DLG3: variants seen among roughly 807,000 people sequenced by gnomAD.
DLG3 encodes discs large MAGUK scaffold protein 3, also known as disks large homolog 3.
A neutral mutation model predicts 64.1 loss-of-function variants in DLG3; 1 was observed. That is an observed-to-expected ratio of 0.02 (90% CI 0.01 to 0.07). The LOEUF (loss-of-function observed/expected upper bound fraction) is 0.07, where lower values mean the gene tolerates loss of function less well. Among genes scored for constraint, DLG3 ranks in the 10% least tolerant of loss-of-function variants. The probability of loss-of-function intolerance (pLI) is 1.00; values close to 1 mark genes in which losing one functional copy is unlikely to be tolerated. For synonymous variants in DLG3, 245 were observed against 259.8 expected (o/e 0.94, Z 0.55); for missense variants, 429 against 669.5 (o/e 0.64, Z 3.96).
At chrX:70,492,009 T>C (rs1218789758) in intron 10 of DLG3, 98 bp from the exon 11 acceptor site, 1 of 863,201 alleles carries the variant, frequency 1.2e-6, no homozygotes, top group East Asian at 3.4e-5. Context: ...GAGGCTGCTA[T>C]GTCTGTGCTG....
rs771267930 is a variant in DLG3, at chrX:70,451,995, A to G, written c.1114A>G (p.Arg372Gly). 8.3e-7 allele frequency: 1 copy of G among 1,210,446 alleles called. No individual in the cohort carries two copies. Among genetic ancestry groups the G allele is most frequent in the Non-Finnish European group, 1.1e-6 (1 of 895,019 alleles). ...CCCCACCCGCTACTCTCCTATTCCC[A>G]GGCACATGCTGGCTGAGGAGGACTT... ...VPPTRYSPIP[R>G]HMLAEEDFTR... The change falls in exon 7 of 19, where the codon AGG becomes GGG. Residue 372 changes from arginine to glycine, a missense_variant. Physicochemically the swap from Arg to Gly is moderately radical, Grantham distance 125 (BLOSUM62 -2). This residue lies in a region of DLG3 where 54 missense variants were observed against 54.4 expected (regional missense o/e 0.99). Transcript: ENST00000374360.
chrX:70,480,688 A>G (rs771607472), intron 10 of DLG3, among the ~76,000 whole-genome samples: 4 of 112,280 alleles, frequency 3.6e-5, no homozygotes, highest in Non-Finnish European at 5.6e-5. Context: ...AAAATAGGTA[A>G]TGGTTATATG....
Position 70,445,136 on chromosome X carries a change from G to A in DLG3, c.-66G>A. 2.2e-6 allele frequency: 2 copies of A among 908,999 alleles called. No homozygotes were observed. The highest frequency in any genetic ancestry group is 2.4e-5 in the South Asian group (1 of 41,337). 74.9% of individuals were successfully genotyped at this position (908,999 alleles called of 1,213,427 possible). ...GCCCGGCGGCGGCGGCGGCGGTGGT[G>A]GCGGCGGTGGCGGCGGCGTGGAATC... On this transcript the variant is annotated 5_prime_UTR_variant, in exon 1 of 19. Coordinates refer to ENST00000374360, the MANE Select transcript of DLG3 (RefSeq NM_021120.4).
chrX:70,457,018 AT>A (rs978791715), intron 9 of DLG3, among the ~76,000 whole-genome samples: 1 of 111,475 alleles, frequency 9.0e-6, no homozygotes, highest in African/African-American at 3.3e-5. Context: ...CATTACTTGA[AT>A]TTTTTTTTCT....
chrX:70,469,438 ATTTC>A (rs2086934122), intron 9 of DLG3, among the ~76,000 whole-genome samples: 2 of 103,523 alleles, frequency 1.9e-5, no homozygotes, highest in African/African-American at 3.5e-5. Context: ...ACCTCCATCC[ATTTC>A]TTTCTTTTTT....
intron 9 of DLG3, among the ~76,000 whole-genome samples, chrX:70,462,794 T>G (rs1236470927): frequency 8.9e-6 from 1 of 112,062 alleles, no homozygotes; most frequent in East Asian, 2.8e-4. Flanking sequence ...TTAGCATTTT[T>G]GAGGAACTGT....
intron 12 of DLG3, among the ~76,000 whole-genome samples, chrX:70,493,764 C>T (rs2087403666): frequency 8.9e-6 from 1 of 112,937 alleles, no homozygotes; most frequent in African/African-American, 3.2e-5. Context: ...GTGGAAGTGC[C>T]AGACAGAGCT....
intron 9 of DLG3, among the ~76,000 whole-genome samples, chrX:70,473,984 C>T (rs778723414): frequency 1.8e-5 from 2 of 111,925 alleles, no homozygotes; most frequent in Admixed American, 1.9e-4. Flanking sequence ...TGTTCAGTGT[C>T]AGGCAGGGGA....
At chrX:70,495,331 C>G in intron 12 of DLG3, 77 bp from the exon 13 acceptor site, 1 of 964,305 alleles carries the variant, frequency 1.0e-6, no homozygotes, top group Non-Finnish European at 1.5e-6. Context: ...CCCTCTCTTC[C>G]ATTCCCTCCC....
intron 10 of DLG3, among the ~76,000 whole-genome samples, chrX:70,490,457 G>A (rs779689590): frequency 8.9e-6 from 1 of 111,954 alleles, no homozygotes; most frequent in East Asian, 2.8e-4. Context: ...GCACCTCCTT[G>A]TCTGCTGCCT....
At chrX:70,493,962 G>T (rs2087407738) in intron 12 of DLG3, among the ~76,000 whole-genome samples, 1 of 112,253 alleles carries the variant, frequency 8.9e-6, no homozygotes, top group African/African-American at 3.2e-5. Context: ...CTGGAGTTGG[G>T]GCTACTTCTG....
At chrX:70,483,971 G>A (rs1390755517) in intron 10 of DLG3, among the ~76,000 whole-genome samples, 1 of 112,272 alleles carries the variant, frequency 8.9e-6, no homozygotes, top group East Asian at 2.8e-4. Flanking sequence ...GTTGGGATGG[G>A]TAGGTGTTTA....
At chrX:70,477,210 T>A (rs1006510485) in intron 9 of DLG3, among the ~76,000 whole-genome samples, 1 of 112,716 alleles carries the variant, frequency 8.9e-6, no homozygotes, top group Non-Finnish European at 1.9e-5. Flanking sequence ...AGGGAATATA[T>A]AAACAAGTTT....
intron 4 of DLG3, 120 bp downstream of exon 4, chrX:70,449,979 C>T (rs1247251362): frequency 2.4e-5 from 24 of 1,011,144 alleles, no homozygotes; most frequent in Non-Finnish European, 3.1e-5. Context: ...TGTTCCAACT[C>T]ACAGCCTACT....
chrX:70,445,665 G>T, intron 1 of DLG3, 107 bp downstream of exon 1: 2 of 749,917 alleles, frequency 2.7e-6, no homozygotes. Flanking sequence ...CAAGCCTGTG[G>T]ACCCCGAGCC....
intron 9 of DLG3, among the ~76,000 whole-genome samples, chrX:70,457,430 A>G (rs2086727850): frequency 8.9e-6 from 1 of 112,257 alleles, no homozygotes; most frequent in African/African-American, 3.2e-5. Flanking sequence ...GACTAATAGA[A>G]CAATCAGAGT....
intron 9 of DLG3, among the ~76,000 whole-genome samples, chrX:70,475,440 C>A (rs1421163728): frequency 9.0e-6 from 1 of 111,082 alleles, no homozygotes; most frequent in Non-Finnish European, 1.9e-5. Context: ...TCACTGCAAC[C>A]CTCGCCTCCC....
In DLG3 at chrX:70,454,313, G is replaced by A. The variant is rs374740363; in HGVS notation, c.1402G>A (p.Glu468Lys). The stretch of plus-strand genomic sequence containing the variant: ...CACCATTGTGGCCCAGTACAGACCT[G>A]AAGGTAGGAGAAGGGAAGGTGGGAA... ...SVTIVAQYRP[E>K]EYSRFESKIH... The change falls in exon 9 of 19, where the codon GAA becomes AAA. Residue 468 changes from glutamate to lysine, a missense_variant. Coordinates refer to ENST00000374360, the MANE Select transcript of DLG3 (RefSeq NM_021120.4). The A allele has an allele frequency of 1.7e-6, 2 of 1,196,916 alleles. No individual in the cohort carries two copies. Among genetic ancestry groups the A allele is most frequent in the African/African-American group, 3.5e-5 (2 of 56,948 alleles).
intron 9 of DLG3, among the ~76,000 whole-genome samples, chrX:70,467,232 A>G (rs1158808953): frequency 8.9e-6 from 1 of 112,141 alleles, no homozygotes; most frequent in African/African-American, 3.2e-5. Context: ...TTTGTGTTTA[A>G]AACCTTAACT....
Sources: gnomAD v4.1 joint callset for allele counts (sites outside exome capture counted in the v4.1 genomes callset) on GRCh38, gnomAD v4.1.1 for gene constraint, gnomAD v4.1.1 regional missense constraint, MANE v1.5 for transcripts, NCBI Gene and HGNC (gene_info 2026-07-23, HGNC 2026-07-21) for gene names.